PCDHA9: variants seen among roughly 807,000 people sequenced by gnomAD.
PCDHA9 encodes the protein protocadherin alpha-9.
PCDHA9 carries 62 observed loss-of-function variants against 62.0 expected under a neutral mutation model. That is an observed-to-expected ratio of 1.00 (90% CI 0.81 to 1.23). The LOEUF (loss-of-function observed/expected upper bound fraction) is 1.23. PCDHA9 is among the 50% of genes most tolerant of loss of function. The pLI is 0.00. For synonymous variants in PCDHA9, 557 were observed against 567.6 expected, an observed-to-expected ratio of 0.98 and a Z score of 0.27; for missense variants, 1,205 against 1,249.8, an observed-to-expected ratio of 0.96 and a Z score of 0.54.
In PCDHA9 at chr5:140,901,962, G is replaced by A. The variant is rs148280805; in HGVS notation, c.2394+51073G>A. The stretch of plus-strand genomic sequence containing the variant: ...ATATTTAGTTTTATTCGTGGCTATC[G>A]TAAATGGGATTACTTTTTAATTTCA... On this transcript the variant is annotated intron_variant, in intron 1 of 3. Coordinates refer to ENST00000532602, the MANE Select transcript of PCDHA9 (RefSeq NM_031857.2). Among the ~76,000 whole-genome samples, 1,226 of 152,004 alleles carry A rather than the reference G, an allele frequency of 8.1e-3. 6 individuals carry two copies. The highest frequency in any genetic ancestry group is 0.019 in the African/African-American group (785 of 41,468).
At position 140,857,921 on chromosome 5, in the gene PCDHA9, C is replaced by A. The variant is rs1554150855; in HGVS notation, c.2394+7032C>A. On this transcript the variant is annotated intron_variant, in intron 1 of 3. Coordinates refer to ENST00000532602, the MANE Select transcript of PCDHA9 (RefSeq NM_031857.2). ...TGCACGCATCCCGTTTCGCGTGGGG[C>A]TGTACACGGGCGAGATCAGTACGAC... 4 of 1,597,628 alleles carry A rather than the reference C, an allele frequency of 2.5e-6. No homozygotes were observed. The Admixed American group carries it at 6.7e-5, about 27-fold the overall frequency.
At chr5:140,857,412 C>G (rs782751627) in intron 1 of PCDHA9, 1 of 1,598,338 alleles carries the variant, frequency 6.3e-7, no homozygotes, top group Admixed American at 1.7e-5. Context: ...CCTGCGTTCG[C>G]GCAGTCCGAG....
At chr5:140,899,795 G>A (rs551068307) in intron 1 of PCDHA9, among the ~76,000 whole-genome samples, 59 of 152,222 alleles carry the variant, frequency 3.9e-4, no homozygotes, top group Non-Finnish European at 7.5e-4. Flanking sequence ...ATTCGGCTGT[G>A]AATCCAATAT....
intron 1 of PCDHA9, among the ~76,000 whole-genome samples, chr5:140,926,128 C>CGCAGCAGGATCCAGCGCGGAAAGCTCT (rs1157627097): frequency 6.6e-6 from 1 of 152,162 alleles, no homozygotes; most frequent in Non-Finnish European, 1.5e-5. Context: ...GACTTCAACC[C>CGCAGCAGGATCCAGCGCGGAAAGCTCT]GCAGCAGGAT....
intron 3 of PCDHA9, among the ~76,000 whole-genome samples, chr5:140,985,216 C>G (rs1009954667): frequency 1.3e-5 from 2 of 152,186 alleles, no homozygotes; most frequent in Non-Finnish European, 2.9e-5. Flanking sequence ...GGATTACAGG[C>G]GTGAGCCACC....
intron 1 of PCDHA9, among the ~76,000 whole-genome samples, chr5:140,886,563 C>CA (rs1344648100): frequency 6.6e-6 from 1 of 152,024 alleles, no homozygotes. Context: ...CACGGTGGCT[C>CA]ACGCCTGTAA....
At position 140,858,707 on chromosome 5, in the gene PCDHA9, A is replaced by G. The variant is rs1234055961; in HGVS notation, c.2394+7818A>G. On this transcript the variant is annotated intron_variant, in intron 1 of 3. Transcript: ENST00000532602. The stretch of plus-strand genomic sequence containing the variant: ...TAATATTTTCCAATACAAATATGTG[A>G]TATAGGTTGCAGTTCTGACGATTTA... 2 of 547,800 alleles carry G rather than the reference A, an allele frequency of 3.7e-6. 1 individual carries two copies. Among genetic ancestry groups the G allele is most frequent in the Non-Finnish European group, 6.3e-6 (2 of 316,316 alleles). The allele number at this position is 547,800 out of a possible 1,614,324, so 33.9% of individuals were successfully genotyped here.
At position 140,935,795 on chromosome 5, in the gene PCDHA9, C is replaced by CTT. The variant is rs555560136; in HGVS notation, c.2395-43154_2395-43153insTT. ...GAGTTTTTTCACTTAAAAATATAAA[C>CTT]GAGATTATTTCATAGTAGTATAGTA... On this transcript the variant is annotated intron_variant, in intron 1 of 3. Coordinates refer to ENST00000532602, the MANE Select transcript of PCDHA9 (RefSeq NM_031857.2). 5.4e-3 allele frequency among the ~76,000 whole-genome samples: 824 copies of CTT among 151,876 alleles called. 3 individuals are homozygous for CTT. Among genetic ancestry groups the CTT allele is most frequent in the African/African-American group, 0.019 (793 of 41,436 alleles).
chr5:140,855,491 A>AAG, intron 1 of PCDHA9, among the ~76,000 whole-genome samples: 1 of 149,140 alleles, frequency 6.7e-6, no homozygotes, highest in South Asian at 2.1e-4. Context: ...TTAGTGTCTA[A>AAG]ATAAACCTTA....
chr5:140,961,366 C>A (rs1384222732), intron 1 of PCDHA9, among the ~76,000 whole-genome samples: 2 of 152,144 alleles, frequency 1.3e-5, no homozygotes, highest in Non-Finnish European at 2.9e-5. Context: ...CATTAGAATT[C>A]TCCTTCTAGT....
At chr5:140,917,340 T>TGGGGG (rs2078149834) in intron 1 of PCDHA9, among the ~76,000 whole-genome samples, 2 of 133,058 alleles carry the variant, frequency 1.5e-5, no homozygotes, top group African/African-American at 2.7e-5. Flanking sequence ...AGGGGGGGGA[T>TGGGGG]GGTGTAGGCT....
intron 1 of PCDHA9, among the ~76,000 whole-genome samples, chr5:140,879,606 G>A (rs1554170878): frequency 6.6e-6 from 1 of 152,196 alleles, no homozygotes; most frequent in Non-Finnish European, 1.5e-5. Context: ...AAAACAATGT[G>A]TCCAGGTACT....
intron 1 of PCDHA9, among the ~76,000 whole-genome samples, chr5:140,973,426 C>T (rs1554235288): frequency 6.6e-6 from 1 of 152,192 alleles, no homozygotes; most frequent in East Asian, 1.9e-4. Flanking sequence ...GTTTTTCATC[C>T]TCTGATGGTC....
At chr5:140,921,134 C>G (rs2080042608) in intron 1 of PCDHA9, among the ~76,000 whole-genome samples, 1 of 111,400 alleles carries the variant, frequency 9.0e-6, no homozygotes, top group African/African-American at 3.7e-5. Flanking sequence ...GTGCACACCA[C>G]TACACCCAGC....
intron 1 of PCDHA9, chr5:140,968,752 C>T: frequency 6.2e-7 from 1 of 1,614,094 alleles, no homozygotes; most frequent in Non-Finnish European, 8.5e-7. Context: ...CCGTGGTGGT[C>T]CGAGATAATG....
Position 140,856,604 on chromosome 5 carries a change from GA to G in PCDHA9, c.2394+5716del, listed in dbSNP as rs782310012. On this transcript the variant is annotated intron_variant, in intron 1 of 3. Transcript: ENST00000532602. ...TGTTCTTGATATTATAAACAAAAAA[GA>G]CAAAGACAAATTCCCAGTGCTTGTT... 3.6e-5 allele frequency: 57 copies of G among 1,597,724 alleles called. 2 individuals are homozygous for G. In the African/African-American group the frequency reaches 6.7e-4, roughly 19 times the overall value.
chr5:140,888,558 C>T (rs782768307), intron 1 of PCDHA9, among the ~76,000 whole-genome samples: 6 of 152,188 alleles, frequency 3.9e-5, no homozygotes, highest in Non-Finnish European at 7.3e-5. Flanking sequence ...TTATTCCTTT[C>T]AAGGCTTCAT....
chr5:140,863,444 G>A, intron 1 of PCDHA9: 4 of 585,532 alleles, frequency 6.8e-6, no homozygotes, highest in South Asian at 2.8e-5. Context: ...GGTCTTACTC[G>A]CAGCAAAGGA....
chr5:140,966,409 G>C (rs1234170283), intron 1 of PCDHA9: 1 of 419,144 alleles, frequency 2.4e-6, no homozygotes, highest in African/African-American at 2.1e-5. Context: ...CGCGGAATCA[G>C]AGCAGGACTT....
Sources: gnomAD v4.1 joint callset for allele counts (sites outside exome capture counted in the v4.1 genomes callset) on GRCh38, gnomAD v4.1.1 for gene constraint, MANE v1.5 for transcripts, NCBI Gene and HGNC (gene_info 2026-07-23, HGNC 2026-07-21) for gene names.